Variants in GON4L observed in about 807,000 individuals in gnomAD.
The protein encoded by GON4L is gon-4 like, also known as GON-4-like protein.
A neutral mutation model predicts 211.8 loss-of-function variants in GON4L; 87 were observed. The observed-to-expected ratio is 0.41, with a 90% CI of 0.35 to 0.49. GON4L has a LOEUF of 0.49. GON4L is among the 20% of genes least tolerant of loss of function. The pLI, the probability that GON4L is intolerant of heterozygous loss-of-function variation, is 0.15. For missense variants in GON4L, 2,155 were observed against 2,659.5 expected, an observed-to-expected ratio of 0.81 and a Z score of 4.17; for synonymous variants, 875 against 962.6, an observed-to-expected ratio of 0.91 and a Z score of 1.68.
At chr1:155,838,045 G>A (rs1670467423) in intron 2 of GON4L, among the ~76,000 whole-genome samples, 1 of 152,136 alleles carries the variant, frequency 6.6e-6, no homozygotes, top group African/African-American at 2.4e-5. Context: ...GACTGCTTGA[G>A]CCCAGGAGTT....
Position 155,757,249 on chromosome 1 carries a change from G to T in GON4L, c.5328C>A (p.His1776Gln). ...CCATCCGGCTAGCTGCTGGGCGCAAGTGGTCAAAGAAGATAGAAAACTCAT... is the reference window on the plus strand; with the variant it reads ...CCATCCGGCTAGCTGCTGGGCGCAATTGGTCAAAGAAGATAGAAAACTCAT... ...LQDEFSIFFD[H>Q]LRPAASRMGD... The change falls in exon 26 of 32, where the codon CAC becomes CAA. Residue 1776 changes from histidine to glutamine, a missense_variant. This residue lies in a region of GON4L where 455 missense variants were observed against 504.6 expected (regional missense o/e 0.90). Transcript: ENST00000368331. 1.2e-6 allele frequency: 2 copies of T among 1,613,974 alleles called. No homozygotes were observed. Among genetic ancestry groups the T allele is most frequent in the South Asian group, 2.2e-5 (2 of 91,086 alleles).
chr1:155,765,706 G>A lies in GON4L; in HGVS notation c.3767C>T (p.Pro1256Leu). The change falls in exon 21 of 32, where the codon CCT becomes CTT. Residue 1256 changes from proline to leucine, a missense_variant. Physicochemically the swap from Pro to Leu is moderately conservative, Grantham distance 98. Coordinates refer to ENST00000368331, the MANE Select transcript of GON4L (RefSeq NM_001282860.2). Reference protein sequence around the residue: ...EPKLEPQELSPLSATVFPKVE... With the variant: ...EPKLEPQELSLLSATVFPKVE... Reference sequence around the variant, plus strand: ...TTTCGGGAAAACAGTAGCAGAGAGAGGAGATAGTTCCTGGGGCTCTAATTT... The same window carrying A: ...TTTCGGGAAAACAGTAGCAGAGAGAAGAGATAGTTCCTGGGGCTCTAATTT... 1 of 1,614,218 alleles carries A rather than the reference G, an allele frequency of 6.2e-7. No individual in the cohort carries two copies. Among genetic ancestry groups the A allele is most frequent in the East Asian group, 2.2e-5 (1 of 44,880 alleles).
In GON4L at chr1:155,765,582, C is replaced by T. The variant is rs1662368792; in HGVS notation, c.3891G>A (p.Glu1297=). ...ACRWTVVKTE[E]GRQALEPLPQ... is the part of the protein sequence containing the mutation. ...GGAGCGGCTCCAGAGCTTGCCTCCC[C>T]TCCTCTGTTTTCACAACGGTCCAGC... Residue 1297 remains glutamate (E), a synonymous_variant, in exon 21 of 32, where the codon GAG becomes GAA. Transcript: ENST00000368331. 1.2e-6 allele frequency: 2 copies of T among 1,614,208 alleles called. No homozygotes were observed. Among genetic ancestry groups the T allele is most frequent in the African/African-American group, 1.3e-5 (1 of 75,042 alleles).
chr1:155,854,379 A>G (rs1672087965), intron 1 of GON4L, among the ~76,000 whole-genome samples: 1 of 151,962 alleles, frequency 6.6e-6, no homozygotes, highest in South Asian at 2.1e-4. Context: ...ATGGTCTCGA[A>G]CTCCTGACCT....
intron 3 of GON4L, among the ~76,000 whole-genome samples, chr1:155,824,324 C>T (rs1447283126): frequency 1.4e-5 from 2 of 147,042 alleles, no homozygotes; most frequent in African/African-American, 2.5e-5. Flanking sequence ...GTCCCAGCTA[C>T]TTGGGAAGCT....
At chr1:155,799,385 G>C (rs920878594) in intron 11 of GON4L, among the ~76,000 whole-genome samples, 1 of 152,204 alleles carries the variant, frequency 6.6e-6, no homozygotes, top group African/African-American at 2.4e-5. Flanking sequence ...AGTGAGCCAA[G>C]ATCACACCAT....
chr1:155,806,127 A>G (rs1667107431), intron 10 of GON4L, among the ~76,000 whole-genome samples: 1 of 151,066 alleles, frequency 6.6e-6, no homozygotes, highest in East Asian at 2.0e-4. Context: ...AGCTGGGACT[A>G]TCGGCATGCT....
downstream of GON4L, chr1:155,747,886 A>G (rs148065907): frequency 1.5e-4 from 242 of 1,577,236 alleles, no homozygotes; most frequent in Non-Finnish European, 2.0e-4. Context: ...CCTGGTCCCT[A>G]CCATCGTGGG....
intron 11 of GON4L, among the ~76,000 whole-genome samples, chr1:155,804,339 G>A (rs1666947151): frequency 6.6e-6 from 1 of 152,098 alleles, no homozygotes; most frequent in Admixed American, 6.6e-5. Flanking sequence ...TCACCCCACT[G>A]TGATCCACCC....
In GON4L at chr1:155,853,287, T is replaced by C. The variant is rs139134396; in HGVS notation, c.494A>G (p.Lys165Arg). ...PFSGEPSEEVKEEGGKPQMNS... is the reference protein window; with the variant it reads ...PFSGEPSEEVREEGGKPQMNS... ...CTTGTATACCTTACCTCCTTCTTCC[T>C]TGACTTCTTCACTAGGCTCTCCTGA... Residue 165 changes from lysine (K) to arginine (R), a missense_variant, in exon 2 of 32, where the codon AAG becomes AGG. By Grantham distance (26) the Lys-to-Arg change is conservative. This residue lies in a region of GON4L where 313 missense variants were observed against 293.2 expected (regional missense o/e 1.07). Transcript: ENST00000368331. 4 of 1,613,724 alleles carry C rather than the reference T, an allele frequency of 2.5e-6. No individual in the cohort carries two copies. Among genetic ancestry groups the C allele is most frequent in the South Asian group, 1.1e-5 (1 of 91,080 alleles).
chr1:155,769,528 T>C (rs1662950410), intron 19 of GON4L, among the ~76,000 whole-genome samples: 1 of 151,348 alleles, frequency 6.6e-6, no homozygotes, highest in African/African-American at 2.4e-5. Context: ...TCCTTCAAGA[T>C]GAAAGTGACG....
chr1:155,836,575 TTC>T (rs1317632483), intron 2 of GON4L, among the ~76,000 whole-genome samples: 2 of 152,156 alleles, frequency 1.3e-5, no homozygotes, highest in Non-Finnish European at 2.9e-5. Context: ...CTGATTTACT[TTC>T]TCTTTCACTC....
intron 23 of GON4L, among the ~76,000 whole-genome samples, chr1:155,761,173 TG>T (rs1475820090): frequency 7.0e-6 from 1 of 142,048 alleles, no homozygotes; most frequent in Non-Finnish European, 1.5e-5. Context: ...AGCTTATGTG[TG>T]GTTTTTTTTT....
chr1:155,845,952 T>G (rs1671192787), intron 2 of GON4L: 2 of 215,692 alleles, frequency 9.3e-6, no homozygotes, highest in South Asian at 1.6e-4. Context: ...AACCAGGTCC[T>G]GGATTTGAAG....
At chr1:155,773,601 C>T (rs1663445698) in intron 17 of GON4L, among the ~76,000 whole-genome samples, 1 of 152,102 alleles carries the variant, frequency 6.6e-6, no homozygotes, top group African/African-American at 2.4e-5. Flanking sequence ...AATAAGATTC[C>T]AACTTCTTTA....
chr1:155,806,008 G>C, intron 10 of GON4L, among the ~76,000 whole-genome samples: 1 of 133,418 alleles, frequency 7.5e-6, no homozygotes, highest in South Asian at 2.4e-4. Flanking sequence ...TTTTTTTTAA[G>C]AGATAGAGTC....
intron 8 of GON4L, among the ~76,000 whole-genome samples, chr1:155,814,985 C>T (rs1046607498): frequency 5.3e-5 from 8 of 151,398 alleles, no homozygotes; most frequent in East Asian, 3.9e-4. Context: ...TGGTAGCGCA[C>T]GCCTGTTAAT....
Position 155,775,038 on chromosome 1 carries a change from T to C in GON4L, c.2314A>G (p.Ile772Val). 6.2e-7 allele frequency: 1 copy of C among 1,613,338 alleles called. No homozygotes were observed. Among genetic ancestry groups the C allele is most frequent in the Non-Finnish European group, 8.5e-7 (1 of 1,179,380 alleles). ...ACAGTTTTATGAGGGCTGCAGTCAA[T>C]GCTGACATGTGTGCTGAAGTCTTCA... ...LIEDFSTHVS[I>V]DCSPHKTVKK... The change falls in exon 17 of 32, where the codon ATT becomes GTT. Residue 772 changes from isoleucine (I) to valine (V), a missense_variant. Ile to Val is a conservative substitution (Grantham distance 29). Transcript: ENST00000368331.
chr1:155,770,852 A>G (rs1440847259), intron 19 of GON4L, among the ~76,000 whole-genome samples: 1 of 151,988 alleles, frequency 6.6e-6, no homozygotes, highest in African/African-American at 2.4e-5. Context: ...TGACAGAGCA[A>G]GAGTCTGTCT....
Sources: gnomAD v4.1 joint callset for allele counts (sites outside exome capture counted in the v4.1 genomes callset) on GRCh38, gnomAD v4.1.1 for gene constraint, gnomAD v4.1.1 regional missense constraint, MANE v1.5 for transcripts, NCBI Gene and HGNC (gene_info 2026-07-23, HGNC 2026-07-21) for gene names.